The following NUDT4 variants were observed in gnomAD, a reference collection of about 807,000 sequenced individuals.
NUDT4 encodes the protein diphosphoinositol polyphosphate phosphohydrolase 2.
In NUDT4, 5 loss-of-function variants were observed where a neutral mutation model predicts 23.1. The observed-to-expected ratio is 0.22, with a 90% CI of 0.11 to 0.46. NUDT4 has a LOEUF of 0.46. Among genes scored for constraint, NUDT4 ranks in the 20% least tolerant of loss-of-function variants. NUDT4 has a pLI of 0.99. For missense variants in NUDT4, 96 were observed against 211.6 expected (o/e 0.45, Z 3.39); for synonymous variants, 50 against 79.0 (o/e 0.63, Z 1.95).
chr12:93,389,032 C>A (rs950310388), intron 1 of NUDT4, among the ~76,000 whole-genome samples: 1 of 152,206 alleles, frequency 6.6e-6, no homozygotes, highest in Non-Finnish European at 1.5e-5. Context: ...GATGAGTAGA[C>A]AAGTGCTTAA....
intron 1 of NUDT4, among the ~76,000 whole-genome samples, chr12:93,386,232 C>T (rs1172512770): frequency 2.0e-5 from 3 of 151,896 alleles, no homozygotes; most frequent in African/African-American, 7.2e-5. Context: ...CTTGGCTTCC[C>T]AAAGCACCGG....
Position 93,407,906 on chromosome 12 carries a change from CA to C in NUDT4, c.*8531del, listed in dbSNP as rs1877903727. 1 of 152,058 alleles carries C rather than the reference CA, an allele frequency of 6.6e-6. No individual in the cohort carries two copies. Among genetic ancestry groups the C allele is most frequent in the South Asian group, 2.1e-4 (1 of 4,818 alleles). The allele number at this position is 152,058 out of a possible 1,614,324, so 9.4% of individuals were successfully genotyped here. A position where few individuals can be genotyped will look rare whatever the true frequency, so the allele number is the denominator to read the frequency against. ...TAGCAAAGTAATGGGGGAGTCTTAC[CA>C]AAACTGCAAAGGAAAAAAATATGAT... is the stretch of plus-strand genomic sequence containing the variant. On this transcript the variant is annotated 3_prime_UTR_variant, in exon 5 of 5. Coordinates refer to ENST00000415493, the MANE Select transcript of NUDT4 (RefSeq NM_019094.6).
rs372189448 is a variant in NUDT4 at position 93,378,117 on chromosome 12, C to A, written c.-206C>A. 6 of 258,986 alleles carry A rather than the reference C, an allele frequency of 2.3e-5. No homozygotes were observed. In the East Asian group the frequency reaches 4.7e-4, roughly 20 times the overall value. 16.0% of individuals were successfully genotyped at this position (258,986 alleles called of 1,614,324 possible). On this transcript the variant is annotated 5_prime_UTR_variant, in exon 1 of 5. Coordinates refer to ENST00000415493, the MANE Select transcript of NUDT4 (RefSeq NM_019094.6). Reference sequence around the variant, plus strand: ...CATCTCGGCACCCTGGTTCCAGTGACCCGCGCTAGCGTCCCGTCCCGCCCG... The same window carrying A: ...CATCTCGGCACCCTGGTTCCAGTGAACCGCGCTAGCGTCCCGTCCCGCCCG...
intron 1 of NUDT4, chr12:93,378,712 G>C (rs1256538901): frequency 1.1e-5 from 12 of 1,116,308 alleles, no homozygotes; most frequent in Non-Finnish European, 1.3e-5. Context: ...CGCCTAGCGG[G>C]AGTCACCATC....
rs1250038150 is a variant in NUDT4, at chr12:93,408,132, A to G, written c.*8753A>G. 6.6e-6 allele frequency: 1 copy of G among 152,142 alleles called. No homozygotes were observed. Among genetic ancestry groups the G allele is most frequent in the African/African-American group, 2.4e-5 (1 of 41,446 alleles). The allele number at this position is 152,142 out of a possible 1,614,324, so 9.4% of individuals were successfully genotyped here. A position where few individuals can be genotyped will look rare whatever the true frequency, so the allele number is the denominator to read the frequency against. ...TTACGGGCAGTAAATGTTGATTTCT[A>G]TTTCGTTTCTTGAAGTTTTGTGTGG... On this transcript the variant is annotated 3_prime_UTR_variant, in exon 5 of 5. Transcript: ENST00000415493.
At chr12:93,380,727 G>A (rs2120847174) in intron 1 of NUDT4, among the ~76,000 whole-genome samples, 1 of 152,298 alleles carries the variant, frequency 6.6e-6, no homozygotes. Context: ...AACTCTGTTA[G>A]CTTTCCTGGA....
intron 1 of NUDT4, among the ~76,000 whole-genome samples, chr12:93,380,221 G>A (rs1592711907): frequency 6.6e-6 from 1 of 152,160 alleles, no homozygotes; most frequent in African/African-American, 2.4e-5. Context: ...TTGCCATAAT[G>A]TGAACTTGGA....
intron 1 of NUDT4, chr12:93,378,674 C>T: frequency 7.7e-6 from 9 of 1,173,168 alleles, no homozygotes; most frequent in Non-Finnish European, 9.5e-6. Flanking sequence ...CGCCTGGTCC[C>T]CGGGAAGGTC....
rs1175326269 is a variant in NUDT4 at position 93,406,382 on chromosome 12, A to G, written c.*7003A>G. ...GATCCAATTTAGTTCCACTTAGGTCACTGTGTTTATAATGTCTTTTAGGAC... is the reference window on the plus strand; with the variant it reads ...GATCCAATTTAGTTCCACTTAGGTCGCTGTGTTTATAATGTCTTTTAGGAC... On this transcript the variant is annotated 3_prime_UTR_variant, in exon 5 of 5. Transcript: ENST00000415493. 5.3e-5 allele frequency: 8 copies of G among 149,992 alleles called. No homozygotes were observed. The highest frequency in any genetic ancestry group is 2.0e-4 in the African/African-American group (8 of 40,742). 9.3% of individuals were successfully genotyped at this position (149,992 alleles called of 1,614,324 possible).
chr12:93,403,788 T>TATCG lies in NUDT4; in HGVS notation c.*4410_*4413dup, dbSNP rs1877635795. On this transcript the variant is annotated 3_prime_UTR_variant, in exon 5 of 5. Coordinates refer to ENST00000415493, the MANE Select transcript of NUDT4 (RefSeq NM_019094.6). ...ACAAAAGTCAGGATGAAAAGTAATC[T>TATCG]ATCGCTGGTGCTACTTTAATACCTT... 6.6e-6 allele frequency: 1 copy of TATCG among 152,226 alleles called. No individual in the cohort carries two copies. Among genetic ancestry groups the TATCG allele is most frequent in the African/African-American group, 2.4e-5 (1 of 41,448 alleles). 9.4% of individuals were successfully genotyped at this position (152,226 alleles called of 1,614,324 possible). A position where few individuals can be genotyped will look rare whatever the true frequency, so the allele number is the denominator to read the frequency against.
intron 2 of NUDT4, among the ~76,000 whole-genome samples, 193 bp downstream of exon 2, chr12:93,394,912 G>A (rs1019805450): frequency 2.0e-5 from 3 of 151,850 alleles, no homozygotes; most frequent in Admixed American, 6.6e-5. Flanking sequence ...ACAGTGGAGC[G>A]ATCTTGGCTC....
rs1279916197 is a variant in NUDT4 at position 93,400,054 on chromosome 12, ACT to A, written c.*678_*679del. 4 of 124,160 alleles carry A rather than the reference ACT, an allele frequency of 3.2e-5. No homozygotes were observed. Among genetic ancestry groups the A allele is most frequent in the African/African-American group, 1.0e-4 (3 of 29,404 alleles). The allele number at this position is 124,160 out of a possible 1,614,324, so 7.7% of individuals were successfully genotyped here. On this transcript the variant is annotated 3_prime_UTR_variant, in exon 5 of 5. Transcript: ENST00000415493. The stretch of plus-strand genomic sequence containing the variant: ...CAATAGTACCTTAACACAAAGTATA[ACT>A]CTGTAGAGTTGGTGAATATTTTAGG...
At chr12:93,389,450 G>A (rs1876330291) in intron 1 of NUDT4, among the ~76,000 whole-genome samples, 1 of 151,728 alleles carries the variant, frequency 6.6e-6, no homozygotes, top group Non-Finnish European at 1.5e-5. Context: ...TTACTGGATT[G>A]TGCTAAATCA....
chr12:93,398,987 AT>A (rs60307643), intron 4 of NUDT4, 132 bp downstream of exon 4: 65,441 of 592,676 alleles, frequency 0.11, 340 homozygotes, highest in African/African-American at 0.13. Context: ...TCCATCCTAG[AT>A]TTTTTTTTTT....
intron 3 of NUDT4, 155 bp from the exon 4 acceptor site, chr12:93,398,616 C>T (rs978850284): frequency 3.7e-5 from 20 of 533,752 alleles, no homozygotes; most frequent in Non-Finnish European, 5.7e-5. Flanking sequence ...TATAAAGTCA[C>T]TTTTGTGTTG....
At chr12:93,396,936 C>G (rs1286727336) in intron 3 of NUDT4, among the ~76,000 whole-genome samples, 1 of 152,086 alleles carries the variant, frequency 6.6e-6, no homozygotes, top group Non-Finnish European at 1.5e-5. Context: ...TTGCTTCACC[C>G]AGTTAAATAG....
rs1592735237 is a variant in NUDT4 at position 93,403,071 on chromosome 12, T to C, written c.*3692T>C. ...TTGGTAGAGATGGGGTCTTGCTGTG[T>C]TGCCCAGGCTGGTCTCAAACTCCTA... On this transcript the variant is annotated 3_prime_UTR_variant, in exon 5 of 5. Coordinates refer to ENST00000415493, the MANE Select transcript of NUDT4 (RefSeq NM_019094.6). 6.6e-6 allele frequency: 1 copy of C among 152,582 alleles called. No individual in the cohort carries two copies. Among genetic ancestry groups the C allele is most frequent in the African/African-American group, 2.4e-5 (1 of 41,350 alleles). 9.5% of individuals were successfully genotyped at this position (152,582 alleles called of 1,614,324 possible).
Position 93,403,676 on chromosome 12 carries a change from A to G in NUDT4, c.*4297A>G, listed in dbSNP as rs557500004. ...TCAAGGTTTTACAGCTTTTTTATCTATAGACTTATACCATCTTCAAAAGCA... is the reference window on the plus strand; with the variant it reads ...TCAAGGTTTTACAGCTTTTTTATCTGTAGACTTATACCATCTTCAAAAGCA... On this transcript the variant is annotated 3_prime_UTR_variant, in exon 5 of 5. Coordinates refer to ENST00000415493, the MANE Select transcript of NUDT4 (RefSeq NM_019094.6). The G allele has an allele frequency of 2.0e-5, 3 of 152,252 alleles. No homozygotes were observed. The highest frequency in any genetic ancestry group is 1.9e-4 in the East Asian group (1 of 5,174). 9.4% of individuals were successfully genotyped at this position (152,252 alleles called of 1,614,324 possible).
chr12:93,383,271 G>GT (rs1875824084), intron 1 of NUDT4, among the ~76,000 whole-genome samples: 2 of 152,118 alleles, frequency 1.3e-5, no homozygotes, highest in African/African-American at 4.8e-5. Context: ...AGAAAGAACT[G>GT]TTATTTCTGG....
Sources: allele counts gnomAD v4.1 joint callset (sites outside exome capture counted in the v4.1 genomes callset), GRCh38; gene constraint gnomAD v4.1.1; transcripts MANE v1.5; gene names NCBI Gene and HGNC (gene_info 2026-07-23, HGNC 2026-07-21).